NSUN4: variants seen among roughly 807,000 people sequenced by gnomAD.
NSUN4 encodes the protein NOP2/Sun RNA methyltransferase 4, also known as 5-cytosine rRNA methyltransferase NSUN4.
A neutral mutation model predicts 43.8 loss-of-function variants in NSUN4; 31 were observed. The ratio of observed to expected loss-of-function variants is 0.71; its 90% CI spans 0.53 to 0.96. The LOEUF (loss-of-function observed/expected upper bound fraction) is 0.96. Among genes scored for constraint, NSUN4 ranks in the 40% least tolerant of loss-of-function variants. NSUN4 has a pLI of 0.00. For missense variants in NSUN4, 439 were observed against 475.6 expected, an observed-to-expected ratio of 0.92 and a Z score of 0.72; for synonymous variants, 167 against 184.1, an observed-to-expected ratio of 0.91 and a Z score of 0.75.
chr1:46,375,736 CAAAAAAAAAAAAA>C, the NSUN4 span, among the ~76,000 whole-genome samples: 1 of 69,902 alleles, frequency 1.4e-5, no homozygotes, highest in Non-Finnish European at 2.4e-5. Context: ...GACTCTGTCT[CAAAAAAAAAAAAA>C]AAAAAAAAAG....
Position 46,342,691 on chromosome 1 carries a change from C to T in NSUN4, c.93+1772C>T, listed in dbSNP as rs114109092. 988 of 399,362 alleles carry T rather than the reference C, an allele frequency of 2.5e-3. 6 individuals carry two copies. The highest frequency in any genetic ancestry group is 0.017 in the African/African-American group (842 of 48,646). The allele number at this position is 399,362 out of a possible 1,614,324, so 24.7% of individuals were successfully genotyped here. A position where few individuals can be genotyped will look rare whatever the true frequency, so the allele number is the denominator to read the frequency against. On this transcript the variant is annotated intron_variant, in intron 1 of 5. Coordinates refer to ENST00000474844, the MANE Select transcript of NSUN4 (RefSeq NM_199044.4). ...CTGGGCAACCAGTTTATATCTCCAC[C>T]CCAGTCACTTCCCCGCAGAAGCTAT... is the stretch of plus-strand genomic sequence containing the variant.
chr1:46,381,146 AG>A, the NSUN4 span, among the ~76,000 whole-genome samples: 3 of 152,222 alleles, frequency 2.0e-5, no homozygotes, highest in Admixed American at 1.3e-4. Flanking sequence ...ACACAGTCCA[AG>A]GGCCCAGAAT....
At chr1:46,378,341 G>A in the NSUN4 span, among the ~76,000 whole-genome samples, 1 of 152,068 alleles carries the variant, frequency 6.6e-6, no homozygotes, top group Non-Finnish European at 1.5e-5. Context: ...GGGACTACAG[G>A]TGTGTGTCAC....
At chr1:46,380,681 T>C in the NSUN4 span, among the ~76,000 whole-genome samples, 2 of 152,196 alleles carry the variant, frequency 1.3e-5, no homozygotes, top group African/African-American at 4.8e-5. Flanking sequence ...ATCCCCATTT[T>C]ACAGATAAGG....
rs375232870 is a variant in NSUN4 at position 46,361,557 on chromosome 1, T to C, written c.879-13T>C. On this transcript the variant is annotated splice_polypyrimidine_tract_variant and intron_variant, in intron 5 of 5. Coordinates refer to ENST00000474844, the MANE Select transcript of NSUN4 (RefSeq NM_199044.4). ...GCTCACTAGTAACTGCTTCTGTCTCTTTCTGGTTTCAGGGCTGGACTCCTT... is the reference window on the plus strand; with the variant it reads ...GCTCACTAGTAACTGCTTCTGTCTCCTTCTGGTTTCAGGGCTGGACTCCTT... The C allele has an allele frequency of 1.2e-6, 2 of 1,611,610 alleles. No individual in the cohort carries two copies. The highest frequency in any genetic ancestry group is 1.3e-5 in the African/African-American group (1 of 74,866).
At chr1:46,379,796 T>C in the NSUN4 span, among the ~76,000 whole-genome samples, 2 of 152,212 alleles carry the variant, frequency 1.3e-5, no homozygotes, top group Middle Eastern at 3.2e-3. Flanking sequence ...GTCTTATGGC[T>C]GAGTCCTCCC....
In NSUN4 at chr1:46,344,832, G is replaced by A. The variant is rs753562252; in HGVS notation, c.125G>A (p.Arg42Gln). 8 of 1,614,098 alleles carry A rather than the reference G, an allele frequency of 5.0e-6. No homozygotes were observed. The highest frequency in any genetic ancestry group is 6.8e-6 in the Non-Finnish European group (8 of 1,179,982). The change falls in exon 2 of 6, where the codon CGA becomes CAA. Residue 42 changes from arginine (R) to glutamine (Q), a missense_variant. Arg to Gln is a conservative substitution (Grantham distance 43, BLOSUM62 1). Coordinates refer to ENST00000474844, the MANE Select transcript of NSUN4 (RefSeq NM_199044.4). Reference protein sequence around the residue: ...AATEPKFPAVRLALQNFDMTY... With the variant: ...AATEPKFPAVQLALQNFDMTY... The stretch of plus-strand genomic sequence containing the variant: ...ACAGAGCCCAAATTCCCTGCTGTTC[G>A]ACTGGCTTTGCAGAATTTTGACATG...
At chr1:46,376,497 G>T in the NSUN4 span, among the ~76,000 whole-genome samples, 1 of 151,832 alleles carries the variant, frequency 6.6e-6, no homozygotes, top group Non-Finnish European at 1.5e-5. Flanking sequence ...CAAATTACTT[G>T]AAAATTTTCA....
chr1:46,355,870 C>T (rs1344647088), intron 4 of NSUN4, among the ~76,000 whole-genome samples: 6 of 151,954 alleles, frequency 3.9e-5, no homozygotes, highest in South Asian at 2.1e-4. Context: ...CAAAATTAGC[C>T]GGGTGTGGTG....
intron 1 of NSUN4, 72 bp downstream of exon 1, chr1:46,340,991 C>A: frequency 7.3e-7 from 1 of 1,378,170 alleles, no homozygotes. Flanking sequence ...GTTTCCCGGC[C>A]CTCTAGAACG....
rs892699912 is a variant in NSUN4 at position 46,347,079 on chromosome 1, A to G, written c.592+4A>G. On this transcript the variant is annotated splice_donor_region_variant and intron_variant, in intron 3 of 5. Coordinates refer to ENST00000474844, the MANE Select transcript of NSUN4 (RefSeq NM_199044.4). ...TTGCTTCAGACTGGCTGTTGCCGTAAGTCAGGGTGCTGGTGTGTTGGGCAG... is the reference window on the plus strand; with the variant it reads ...TTGCTTCAGACTGGCTGTTGCCGTAGGTCAGGGTGCTGGTGTGTTGGGCAG... 2 of 1,613,216 alleles carry G rather than the reference A, an allele frequency of 1.2e-6. No individual in the cohort carries two copies. Among genetic ancestry groups the G allele is most frequent in the African/African-American group, 1.3e-5 (1 of 74,934 alleles).
downstream of NSUN4, among the ~76,000 whole-genome samples, chr1:46,367,919 C>T (rs766930195): frequency 2.6e-4 from 39 of 151,934 alleles, 1 homozygote; most frequent in Middle Eastern, 0.034. Flanking sequence ...CACATGCCAC[C>T]GCGCCTGGCT....
At chr1:46,376,423 ATAG>A in the NSUN4 span, among the ~76,000 whole-genome samples, 4 of 151,832 alleles carry the variant, frequency 2.6e-5, no homozygotes, top group Non-Finnish European at 5.9e-5. Context: ...AAAAAAAAGC[ATAG>A]TAGTAAAGAT....
chr1:46,382,821 C>T, the NSUN4 span, among the ~76,000 whole-genome samples: 1 of 152,094 alleles, frequency 6.6e-6, no homozygotes, highest in Non-Finnish European at 1.5e-5. Flanking sequence ...AGGCTGGTCT[C>T]GAACTCCTAA....
chr1:46,372,698 C>A, the NSUN4 span, among the ~76,000 whole-genome samples: 1 of 152,044 alleles, frequency 6.6e-6, no homozygotes, highest in South Asian at 2.1e-4. Context: ...CTATCAAGTT[C>A]TTTGACAGTT....
At position 46,348,808 on chromosome 1, in the gene NSUN4, G is replaced by GTTTTTTTT. The variant is rs869234807; in HGVS notation, c.592+1750_592+1757dup. Among the ~76,000 whole-genome samples the GTTTTTTTT allele has an allele frequency of 1.3e-4, 10 of 77,842 alleles. 1 individual carries two copies. Among genetic ancestry groups the GTTTTTTTT allele is most frequent in the African/African-American group, 2.1e-4 (4 of 19,278 alleles). 51.1% of individuals were successfully genotyped at this position (77,842 alleles called of 152,430 possible). On this transcript the variant is annotated intron_variant, in intron 3 of 5. Transcript: ENST00000474844. ...TAGCCCAGCGAAGGCCTTGTGCACTGTTTTTTTTTTTTTTTTTTTTTTTTG... is the reference window on the plus strand; with the variant it reads ...TAGCCCAGCGAAGGCCTTGTGCACTGTTTTTTTTTTTTTTTTTTTTTTTTTTTTTTTTG...
At position 46,347,011 on chromosome 1, in the gene NSUN4, C is replaced by T. The variant is rs753941209; in HGVS notation, c.528C>T (p.Ile176=). Residue 176 remains isoleucine (I), a synonymous_variant, in exon 3 of 6, where the codon ATC becomes ATT. Coordinates refer to ENST00000474844, the MANE Select transcript of NSUN4 (RefSeq NM_199044.4). ...VLALGLQPGD[I]VLDLCAAPGG... ...CCCTCGGCCTGCAGCCTGGGGACATCGTGCTTGACCTATGTGCAGCTCCTG... is the reference window on the plus strand; with the variant it reads ...CCCTCGGCCTGCAGCCTGGGGACATTGTGCTTGACCTATGTGCAGCTCCTG... The T allele has an allele frequency of 2.0e-5, 33 of 1,614,040 alleles. No homozygotes were observed. In the Middle Eastern group the frequency reaches 4.9e-4, roughly 24 times the overall value.
chr1:46,376,135 C>T, the NSUN4 span, among the ~76,000 whole-genome samples: 1 of 134,986 alleles, frequency 7.4e-6, no homozygotes, highest in Non-Finnish European at 1.6e-5. Context: ...AGGCCAGGTG[C>T]GGTGGCTCAT....
At chr1:46,354,962 C>T (rs1425672175) in intron 4 of NSUN4, among the ~76,000 whole-genome samples, 5 of 152,154 alleles carry the variant, frequency 3.3e-5, no homozygotes, top group African/African-American at 2.4e-5. Flanking sequence ...TGAGCCACTG[C>T]GCCCGGCCTA....
Sources: gnomAD v4.1 joint callset for allele counts (sites outside exome capture counted in the v4.1 genomes callset) on GRCh38, gnomAD v4.1.1 for gene constraint, MANE v1.5 for transcripts, NCBI Gene and HGNC (gene_info 2026-07-23, HGNC 2026-07-21) for gene names.